Variants in TBX19 observed in about 807,000 individuals in gnomAD.
TBX19 encodes the protein T-box transcription factor 19.
In TBX19, 33 loss-of-function variants were observed where a neutral mutation model predicts 40.9. The ratio of observed to expected loss-of-function variants is 0.81; its 90% CI spans 0.61 to 1.08. The LOEUF is 1.08. Ranked by LOEUF, TBX19 falls within the 50% of genes least tolerant of loss-of-function variation. TBX19 has a pLI of 0.00. For missense variants in TBX19, 494 were observed against 574.0 expected (o/e 0.86, Z 1.42); for synonymous variants, 220 against 225.0 (o/e 0.98, Z 0.20).
At position 168,305,031 on chromosome 1, in the gene TBX19, C is replaced by T. The variant is rs1363594061; in HGVS notation, c.751C>T (p.Pro251Ser). The change falls in exon 6 of 8, where the codon CCA becomes TCA. Residue 251 changes from proline to serine, a missense_variant. This residue lies in a region of TBX19 where 284 missense variants were observed against 307.3 expected (regional missense o/e 0.92). Transcript: ENST00000367821. ...AGTGGGAGGCTGGATCTTTTCCAAT[C>T]CAGATGGAGTGTGCACAGCAGGAAA... is the stretch of plus-strand genomic sequence containing the variant. ...SHLGGWIFSN[P>S]DGVCTAGNSN... The T allele has an allele frequency of 6.2e-7, 1 of 1,614,112 alleles. No individual in the cohort carries two copies. The highest frequency in any genetic ancestry group is 1.7e-5 in the Admixed American group (1 of 60,024).
At chr1:168,306,296 C>T (rs1433725152) in intron 6 of TBX19, among the ~76,000 whole-genome samples, 1 of 152,122 alleles carries the variant, frequency 6.6e-6, no homozygotes, top group Non-Finnish European at 1.5e-5. Flanking sequence ...TACTGTGTAC[C>T]GTGTTCTTCT....
At chr1:168,310,049 C>T (rs1284054941) in intron 7 of TBX19, among the ~76,000 whole-genome samples, 1 of 152,072 alleles carries the variant, frequency 6.6e-6, no homozygotes, top group East Asian at 1.9e-4. Context: ...CACTTGTAAT[C>T]TCAGCACTTT....
Position 168,291,845 on chromosome 1 carries a change from C to T in TBX19, c.468+421C>T, listed in dbSNP as rs142827032. On this transcript the variant is annotated intron_variant, in intron 2 of 7. Coordinates refer to ENST00000367821, the MANE Select transcript of TBX19 (RefSeq NM_005149.3). ...CTTCTAAATGAAATAATTACTACCTCCACTTGGGCATTATGATAATTATCA... is the reference window on the plus strand; with the variant it reads ...CTTCTAAATGAAATAATTACTACCTTCACTTGGGCATTATGATAATTATCA... Among the ~76,000 whole-genome samples, 13 of 152,148 alleles carry T rather than the reference C, an allele frequency of 8.5e-5. No homozygotes were observed. The East Asian group carries it at 2.5e-3, about 29-fold the overall frequency.
rs565302047 is a variant in TBX19 at position 168,283,473 on chromosome 1, C to T, written c.203+2180C>T. Among the ~76,000 whole-genome samples, 4 of 152,262 alleles carry T rather than the reference C, an allele frequency of 2.6e-5. No homozygotes were observed. In the South Asian group the frequency reaches 6.2e-4, roughly 24 times the overall value. ...AATGAATGAACTTGGTCTGAAATTA[C>T]CCCCAACCTCTTAGTTTCTCAGATT... On this transcript the variant is annotated intron_variant, in intron 1 of 7. Coordinates refer to ENST00000367821, the MANE Select transcript of TBX19 (RefSeq NM_005149.3).
At position 168,293,290 on chromosome 1, in the gene TBX19, T is replaced by TGA. The variant is rs1235873686; in HGVS notation, c.603+13_603+14insAG. 1.9e-5 allele frequency: 28 copies of TGA among 1,449,968 alleles called. No individual in the cohort carries two copies. The East Asian group carries it at 5.9e-4, about 30-fold the overall frequency. The allele number at this position is 1,449,968 out of a possible 1,614,324, so 89.8% of individuals were successfully genotyped here. On this transcript the variant is annotated intron_variant, in intron 3 of 7. Coordinates refer to ENST00000367821, the MANE Select transcript of TBX19 (RefSeq NM_005149.3). ...ATCAGAATGAGGAGGTAAGAGTGTGTGTGTGTGTGTGTGTGTGTGTGTGTG... is the reference window on the plus strand; with the variant it reads ...ATCAGAATGAGGAGGTAAGAGTGTGTGAGTGTGTGTGTGTGTGTGTGTGTGTG...
At chr1:168,298,867 CTTT>C in intron 4 of TBX19, among the ~76,000 whole-genome samples, 1 of 104,750 alleles carries the variant, frequency 9.5e-6, no homozygotes, top group Non-Finnish European at 1.8e-5. Flanking sequence ...TTCTTTCTTT[CTTT>C]CTTTCTTTCT....
chr1:168,294,459 G>A (rs1052626081), intron 3 of TBX19, among the ~76,000 whole-genome samples: 4 of 148,016 alleles, frequency 2.7e-5, no homozygotes, highest in East Asian at 2.0e-4. Context: ...TCAGCCTTCC[G>A]AGTAGCTAGG....
At chr1:168,286,269 C>G (rs541621973) in intron 1 of TBX19, among the ~76,000 whole-genome samples, 2 of 152,328 alleles carry the variant, frequency 1.3e-5, no homozygotes, top group Admixed American at 1.3e-4. Flanking sequence ...TGCCATACAG[C>G]TCATCCATTT....
Position 168,313,148 on chromosome 1 carries a change from G to T in TBX19, c.*146G>T. 1.0e-6 allele frequency: 1 copy of T among 965,314 alleles called. No homozygotes were observed. The highest frequency in any genetic ancestry group is 1.6e-6 in the Non-Finnish European group (1 of 631,694). 59.8% of individuals were successfully genotyped at this position (965,314 alleles called of 1,614,324 possible). ...GGTGGGTTATTACAGAAGTCATACT[G>T]GGAGAGGGTTCAGTTTGGATGATGC... On this transcript the variant is annotated 3_prime_UTR_variant, in exon 8 of 8. Coordinates refer to ENST00000367821, the MANE Select transcript of TBX19 (RefSeq NM_005149.3).
In TBX19 at chr1:168,293,204, G is replaced by C. The variant is rs754922503; in HGVS notation, c.529G>C (p.Ala177Pro). ...PQVHIVRVGS[A>P]HRMVTNCSFP... Reference sequence around the variant, plus strand: ...GGTTCACATAGTGCGTGTTGGAAGTGCCCATCGAATGGTAACAAACTGCTC... The same window carrying C: ...GGTTCACATAGTGCGTGTTGGAAGTCCCCATCGAATGGTAACAAACTGCTC... The change falls in exon 3 of 8, where the codon GCC becomes CCC. Residue 177 changes from alanine (A) to proline (P), a missense_variant. Ala to Pro is a conservative substitution (Grantham distance 27, BLOSUM62 -1). Transcript: ENST00000367821. 6.2e-7 allele frequency: 1 copy of C among 1,613,836 alleles called. No homozygotes were observed. The highest frequency in any genetic ancestry group is 8.5e-7 in the Non-Finnish European group (1 of 1,179,950).
At chr1:168,310,720 AT>A (rs1411235267) in intron 7 of TBX19, among the ~76,000 whole-genome samples, 3 of 146,962 alleles carry the variant, frequency 2.0e-5, no homozygotes, top group Non-Finnish European at 4.5e-5. Flanking sequence ...ATATTTTTAT[AT>A]TTTTAAATAT....
chr1:168,292,837 C>G (rs1278456165), intron 2 of TBX19, among the ~76,000 whole-genome samples: 1 of 137,420 alleles, frequency 7.3e-6, no homozygotes, highest in African/African-American at 2.8e-5. Context: ...GCACTCCAGC[C>G]TGGGTGACAG....
intron 6 of TBX19, among the ~76,000 whole-genome samples, chr1:168,306,757 C>A (rs918013799): frequency 6.6e-6 from 1 of 151,564 alleles, no homozygotes; most frequent in Non-Finnish European, 1.5e-5. Context: ...TGTAGACTTT[C>A]AGGCTCTACT....
intron 1 of TBX19, among the ~76,000 whole-genome samples, chr1:168,290,649 C>G (rs1322000473): frequency 6.6e-6 from 1 of 152,178 alleles, no homozygotes; most frequent in Non-Finnish European, 1.5e-5. Flanking sequence ...CTCCTGTGCT[C>G]AAGCAATCCT....
chr1:168,295,181 C>T (rs1412325655), intron 3 of TBX19, among the ~76,000 whole-genome samples: 1 of 151,714 alleles, frequency 6.6e-6, no homozygotes, highest in East Asian at 1.9e-4. Flanking sequence ...ATCCCAGCTA[C>T]TCGGGAGGCT....
chr1:168,297,859 C>A (rs923316052), intron 4 of TBX19, 74 bp downstream of exon 4: 27 of 1,331,910 alleles, frequency 2.0e-5, no homozygotes, highest in African/African-American at 2.9e-5. Context: ...TTATGATTAT[C>A]TTGAAAGGAA....
In TBX19 at chr1:168,285,034, C is replaced by T. The variant is rs553149553; in HGVS notation, c.203+3741C>T. On this transcript the variant is annotated intron_variant, in intron 1 of 7. Coordinates refer to ENST00000367821, the MANE Select transcript of TBX19 (RefSeq NM_005149.3). ...AGAAAAGTAAAGTTGCACATCAGGC[C>T]AATACATTTCCATGTCCCTACAGCC... 5.3e-5 allele frequency among the ~76,000 whole-genome samples: 8 copies of T among 152,128 alleles called. No individual in the cohort carries two copies. In the East Asian group the frequency reaches 1.4e-3, roughly 26 times the overall value.
At position 168,291,254 on chromosome 1, in the gene TBX19, C is replaced by T. The variant is rs369516206; in HGVS notation, c.298C>T (p.Arg100Cys). The stretch of plus-strand genomic sequence containing the variant: ...GGACTTTGTCCCTACGGACAGTCAC[C>T]GCTGGAAGTACGTCAACGGGGAATG... Reference protein sequence around the residue: ...LLDFVPTDSHRWKYVNGEWVP... With the variant: ...LLDFVPTDSHCWKYVNGEWVP... Residue 100 changes from arginine to cysteine, a missense_variant, in exon 2 of 8, where the codon CGC becomes TGC. Transcript: ENST00000367821. The T allele has an allele frequency of 7.4e-6, 12 of 1,614,214 alleles. No homozygotes were observed. The highest frequency in any genetic ancestry group is 2.2e-5 in the East Asian group (1 of 44,884).
intron 1 of TBX19, among the ~76,000 whole-genome samples, chr1:168,289,170 C>T (rs566569468): frequency 2.0e-5 from 3 of 152,290 alleles, no homozygotes; most frequent in South Asian, 4.1e-4. Flanking sequence ...TCAGAATAAC[C>T]CTATATGATC....
Sources: allele counts gnomAD v4.1 joint callset (sites outside exome capture counted in the v4.1 genomes callset), GRCh38; gene constraint gnomAD v4.1.1; regional missense constraint gnomAD v4.1.1; transcripts MANE v1.5; gene names NCBI Gene and HGNC (gene_info 2026-07-23, HGNC 2026-07-21).